The following CYP27C1 variants were observed in gnomAD, a reference collection of about 807,000 sequenced individuals.
CYP27C1 encodes cytochrome P450 27C1.
A neutral mutation model predicts 40.6 loss-of-function variants in CYP27C1; 29 were observed. The ratio of observed to expected loss-of-function variants is 0.71; its 90% CI spans 0.53 to 0.97. The LOEUF is 0.97. CYP27C1 is among the 50% of genes least tolerant of loss of function. The pLI is 0.00. For synonymous variants in CYP27C1, 198 were observed against 186.8 expected (o/e 1.06, Z -0.49); for missense variants, 390 against 485.8 (o/e 0.80, Z 1.85).
chr2:127,204,441 AAAG>A (rs1194911450), intron 2 of CYP27C1, among the ~76,000 whole-genome samples: 390 of 7,862 alleles, frequency 0.05, 23 homozygotes, highest in African/African-American at 0.15. Flanking sequence ...AAAGAAAGAA[AAAG>A]AAAGAAAGAA....
rs923246984 is a variant in CYP27C1, at chr2:127,195,919, C to G, written c.1048-418G>C. Among the ~76,000 whole-genome samples, 1 of 152,144 alleles carries G rather than the reference C, an allele frequency of 6.6e-6. No individual in the cohort carries two copies. The highest frequency in any genetic ancestry group is 1.5e-5 in the Non-Finnish European group (1 of 68,018). Reference sequence around the variant, plus strand: ...GGGCCTCAGGCTGCCCCCCGGCATCCCCAGGATGCTGGGCCCGGCCCACTC... The same window carrying G: ...GGGCCTCAGGCTGCCCCCCGGCATCGCCAGGATGCTGGGCCCGGCCCACTC... On this transcript the variant is annotated intron_variant, in intron 5 of 8. Transcript: ENST00000664447. This position sits in a 1 kb window ranked among gnomAD's most constrained non-coding sequence, Gnocchi z 6.2.
Position 127,204,611 on chromosome 2 carries a change from A to C in CYP27C1, c.474-1040T>G, listed in dbSNP as rs973199291. Among the ~76,000 whole-genome samples the C allele has an allele frequency of 2.0e-3, 208 of 103,414 alleles. 3 individuals are homozygous for C. Among genetic ancestry groups the C allele is most frequent in the African/African-American group, 8.0e-3 (206 of 25,700 alleles). The allele number at this position is 103,414 out of a possible 152,430, so 67.8% of individuals were successfully genotyped here. On this transcript the variant is annotated intron_variant, in intron 2 of 8. Transcript: ENST00000664447. ...AAAGAAAGAAAGAAAGAAAGAAAGA[A>C]AGAAAGAAAGAAAGAAGACTGCAGC...
chr2:127,202,828 C>T (rs1196429348), intron 3 of CYP27C1, among the ~76,000 whole-genome samples: 1 of 151,872 alleles, frequency 6.6e-6, no homozygotes, highest in African/African-American at 2.4e-5. Context: ...TAACTTTCTG[C>T]CTCTAAAAAG....
At chr2:127,204,535 A>AAGAGAGAGAG (rs372686054) in intron 2 of CYP27C1, among the ~76,000 whole-genome samples, 3 of 46,872 alleles carry the variant, frequency 6.4e-5, no homozygotes, top group South Asian at 1.0e-3. Context: ...GAAAGAAAGA[A>AAGAGAGAGAG]AGAGAGAGAG....
At chr2:127,188,230 T>C (rs1442762776) in intron 8 of CYP27C1, among the ~76,000 whole-genome samples, 1 of 152,094 alleles carries the variant, frequency 6.6e-6, no homozygotes, top group African/African-American at 2.4e-5. Flanking sequence ...TTCCTCTCTG[T>C]CCAGCTTTGT....
chr2:127,194,684 AG>A (rs1408769827), intron 6 of CYP27C1, among the ~76,000 whole-genome samples: 3 of 152,206 alleles, frequency 2.0e-5, no homozygotes, highest in Non-Finnish European at 4.4e-5. Flanking sequence ...TCAGCTGAAC[AG>A]GTCAAACTAT....
chr2:127,219,491 C>A lies in CYP27C1; in HGVS notation c.282+498G>T, dbSNP rs565026564. ...AGTCCCTGGAGACCCTGCCCGCCGC[C>A]TCTCTCGGGCTACCACTCTCCGAAA... On this transcript the variant is annotated intron_variant, in intron 1 of 8. Coordinates refer to ENST00000664447, the MANE Select transcript of CYP27C1 (RefSeq NM_001367502.1). This position sits in a 1 kb window ranked among gnomAD's most constrained non-coding sequence, Gnocchi z 8.7. 3.6e-4 allele frequency among the ~76,000 whole-genome samples: 55 copies of A among 152,118 alleles called. No homozygotes were observed. Among genetic ancestry groups the A allele is most frequent in the African/African-American group, 1.3e-3 (55 of 41,526 alleles).
At chr2:127,211,637 G>A (rs895550407) in intron 1 of CYP27C1, among the ~76,000 whole-genome samples, 48 of 151,896 alleles carry the variant, frequency 3.2e-4, no homozygotes, top group African/African-American at 1.1e-3. Flanking sequence ...CACCCACCTC[G>A]GCCTCCCAAA....
At position 127,195,457 on chromosome 2, in the gene CYP27C1, G is replaced by T. The variant is rs756665338; in HGVS notation, c.1092C>A (p.His364Gln). 2 of 1,614,024 alleles carry T rather than the reference G, an allele frequency of 1.2e-6. No homozygotes were observed. The highest frequency in any genetic ancestry group is 2.7e-5 in the African/African-American group (2 of 74,982). The stretch of plus-strand genomic sequence containing the variant: ...GGTACACCGTCTGCTGCACTTCTGG[G>T]TGCCTTGCCAGGAGGTACACAGTCC... ...LSWTVYLLAR[H>Q]PEVQQTVYRE... Residue 364 changes from histidine (H) to glutamine (Q), a missense_variant, in exon 6 of 9, where the codon CAC becomes CAA. His to Gln is a conservative substitution (Grantham distance 24). Coordinates refer to ENST00000664447, the MANE Select transcript of CYP27C1 (RefSeq NM_001367502.1). This position sits in a 1 kb window ranked among gnomAD's most constrained non-coding sequence, Gnocchi z 6.2.
chr2:127,193,870 G>A lies in CYP27C1; in HGVS notation c.1215-3C>T, dbSNP rs1682842233. 1.2e-6 allele frequency: 2 copies of A among 1,614,194 alleles called. No individual in the cohort carries two copies. Among genetic ancestry groups the A allele is most frequent in the Non-Finnish European group, 1.7e-6 (2 of 1,180,040 alleles). On this transcript the variant is annotated splice_region_variant and splice_polypyrimidine_tract_variant and intron_variant, in intron 6 of 8. Coordinates refer to ENST00000664447, the MANE Select transcript of CYP27C1 (RefSeq NM_001367502.1). ...TCCCTGGCAGCACTGGAAACAGCCT[G>A]GAAAAGAGCCAGCGGGGACGGGAAT...
intron 2 of CYP27C1, among the ~76,000 whole-genome samples, chr2:127,204,019 C>A (rs1185807512): frequency 6.6e-6 from 1 of 151,786 alleles, no homozygotes; most frequent in Non-Finnish European, 1.5e-5. Flanking sequence ...AATCCCAGCA[C>A]TTTAGGAGGC....
chr2:127,191,802 T>A (rs1440494380), intron 8 of CYP27C1, among the ~76,000 whole-genome samples: 1 of 152,138 alleles, frequency 6.6e-6, no homozygotes. Context: ...GAGCTGCCAC[T>A]CACATACTCC....
chr2:127,197,923 T>A (rs1227538851), intron 5 of CYP27C1, among the ~76,000 whole-genome samples: 1 of 152,022 alleles, frequency 6.6e-6, no homozygotes. Context: ...TCTAGTGTGT[T>A]CCCTCCACGC....
chr2:127,216,634 T>C (rs1283866553), intron 1 of CYP27C1, among the ~76,000 whole-genome samples: 7 of 152,208 alleles, frequency 4.6e-5, no homozygotes, highest in African/African-American at 1.4e-4. Flanking sequence ...GCGGTGATGG[T>C]TGTATACTTC....
At chr2:127,215,272 A>G (rs1383087368) in intron 1 of CYP27C1, among the ~76,000 whole-genome samples, 1 of 152,210 alleles carries the variant, frequency 6.6e-6, no homozygotes, top group Admixed American at 6.5e-5. Context: ...TCAATAGGAA[A>G]AGGATTTAAT....
At chr2:127,190,329 CTCTTTTTTTTT>C (rs1381595054) in intron 8 of CYP27C1, among the ~76,000 whole-genome samples, 2,694 of 115,746 alleles carry the variant, frequency 0.023, 81 homozygotes, top group African/African-American at 0.079. Flanking sequence ...TTTGTGGCTT[CTCTTTTTTTTT>C]TCTTTTTTTT....
At position 127,209,364 on chromosome 2, in the gene CYP27C1, A is replaced by G. The variant is rs185570010; in HGVS notation, c.283-3274T>C. ...CCCACAAAAACCCCATCCAAGGGTC[A>G]GCAGCCTCAAGACTGAAACTAGACA... On this transcript the variant is annotated intron_variant, in intron 1 of 8. Transcript: ENST00000664447. The surrounding 1 kb of genome is among the most constrained non-coding windows in gnomAD (Gnocchi z 4.1). 6.6e-6 allele frequency among the ~76,000 whole-genome samples: 1 copy of G among 152,340 alleles called. No homozygotes were observed. Among genetic ancestry groups the G allele is most frequent in the East Asian group, 1.9e-4 (1 of 5,184 alleles).
intron 5 of CYP27C1, among the ~76,000 whole-genome samples, chr2:127,197,441 G>A (rs80032630): frequency 0.066 from 9,970 of 152,204 alleles, 354 homozygotes; most frequent in African/African-American, 0.1. Context: ...TCTGTGCGGG[G>A]CGTGCCTTAT....
chr2:127,193,907 T>G, intron 6 of CYP27C1, 40 bp from the exon 7 acceptor site: 2 of 1,607,548 alleles, frequency 1.2e-6, no homozygotes, highest in Non-Finnish European at 1.7e-6. Flanking sequence ...GCGTGGTGAC[T>G]TTCACAGTAT....
Sources: gnomAD v4.1 joint callset for allele counts (sites outside exome capture counted in the v4.1 genomes callset) on GRCh38, gnomAD v4.1.1 for gene constraint, Gnocchi (gnomAD v3.1) non-coding constraint, MANE v1.5 for transcripts, NCBI Gene and HGNC (gene_info 2026-07-23, HGNC 2026-07-21) for gene names.